Variants in CABCOCO1 observed in about 807,000 individuals in gnomAD.
The protein encoded by CABCOCO1 is ciliary associated calcium binding coiled-coil 1.
In CABCOCO1, 28 loss-of-function variants were observed where a neutral mutation model predicts 35.7. That is an observed-to-expected ratio of 0.78 (90% CI 0.58 to 1.07). The LOEUF (loss-of-function observed/expected upper bound fraction) is 1.07, where lower values mean the gene tolerates loss of function less well. Ranked by LOEUF, CABCOCO1 falls within the 50% of genes least tolerant of loss-of-function variation. CABCOCO1 has a pLI of 0.00. For missense variants in CABCOCO1, 326 were observed against 309.2 expected (o/e 1.05, Z -0.41); for synonymous variants, 95 against 100.1 (o/e 0.95, Z 0.30).
chr10:61,718,898 T>A (rs1046595564), intron 5 of CABCOCO1, among the ~76,000 whole-genome samples: 1 of 152,184 alleles, frequency 6.6e-6, no homozygotes, highest in Admixed American at 6.6e-5. Context: ...AATACGTACA[T>A]CTTCTAGGTG....
intron 2 of CABCOCO1, among the ~76,000 whole-genome samples, chr10:61,680,334 T>A (rs1374976093): frequency 4.5e-5 from 6 of 134,258 alleles, no homozygotes; most frequent in Admixed American, 1.7e-4. Context: ...ATATATATAT[T>A]TATATACATA....
At chr10:61,692,363 T>C (rs548666548) in intron 5 of CABCOCO1, among the ~76,000 whole-genome samples, 2 of 152,148 alleles carry the variant, frequency 1.3e-5, no homozygotes, top group Non-Finnish European at 2.9e-5. Flanking sequence ...CTTGTAAATT[T>C]GTTTAAGTTC....
chr10:61,667,177 T>C (rs1839211398), intron 1 of CABCOCO1, among the ~76,000 whole-genome samples: 1 of 145,866 alleles, frequency 6.9e-6, no homozygotes, highest in Admixed American at 7.0e-5. Flanking sequence ...ATAAACATTT[T>C]ACATATTATA....
intron 5 of CABCOCO1, among the ~76,000 whole-genome samples, chr10:61,691,271 A>C (rs905292715): frequency 1.3e-5 from 2 of 152,146 alleles, no homozygotes. Flanking sequence ...ATTTTCTTGA[A>C]GACAAGGATA....
chr10:61,685,978 A>G (rs1839945761), intron 3 of CABCOCO1, 63 bp from the exon 4 acceptor site: 2 of 1,435,252 alleles, frequency 1.4e-6, no homozygotes, highest in Admixed American at 2.6e-5. Context: ...AACATCTTGG[A>G]TTATCTTATT....
intron 2 of CABCOCO1, 69 bp from the exon 3 acceptor site, chr10:61,681,074 A>G: frequency 9.6e-7 from 1 of 1,040,026 alleles, no homozygotes. Flanking sequence ...ACCTGTTTTC[A>G]AAACTTAGGA....
intron 3 of CABCOCO1, among the ~76,000 whole-genome samples, chr10:61,683,414 A>T (rs1589119248): frequency 6.6e-6 from 1 of 152,066 alleles, no homozygotes; most frequent in East Asian, 1.9e-4. Context: ...TTGAAAAATT[A>T]ACTGGGTATG....
intron 5 of CABCOCO1, among the ~76,000 whole-genome samples, chr10:61,707,199 T>C (rs1321789189): frequency 6.6e-6 from 1 of 152,062 alleles, no homozygotes; most frequent in African/African-American, 2.4e-5. Context: ...GACCGAGCAT[T>C]GACTGTAAGA....
intron 5 of CABCOCO1, among the ~76,000 whole-genome samples, chr10:61,746,117 C>T (rs1435574616): frequency 1.3e-5 from 2 of 152,118 alleles, no homozygotes. Flanking sequence ...CAACCTTAGC[C>T]CTTCACTTTT....
intron 5 of CABCOCO1, among the ~76,000 whole-genome samples, chr10:61,715,156 T>C (rs896383425): frequency 1.3e-5 from 2 of 152,174 alleles, no homozygotes; most frequent in Non-Finnish European, 2.9e-5. Context: ...CAAGTCTCTT[T>C]GTAGGTCTCT....
chr10:61,680,387 T>A (rs1001777776), intron 2 of CABCOCO1, among the ~76,000 whole-genome samples: 6 of 132,060 alleles, frequency 4.5e-5, no homozygotes, highest in East Asian at 2.1e-4. Context: ...TAACATATAA[T>A]ATATATATTT....
intron 2 of CABCOCO1, 22 bp from the exon 3 acceptor site, chr10:61,681,121 G>T (rs908362479): frequency 1.5e-6 from 2 of 1,362,444 alleles, no homozygotes; most frequent in Non-Finnish European, 2.0e-6. Flanking sequence ...ATTAATATGT[G>T]GATTTTTGTT....
chr10:61,680,885 G>T (rs1839770699), intron 2 of CABCOCO1, among the ~76,000 whole-genome samples: 1 of 150,714 alleles, frequency 6.6e-6, no homozygotes, highest in Non-Finnish European at 1.5e-5. Context: ...GAAAGAAGGG[G>T]AAGGGGAGAG....
At chr10:61,746,006 G>A (rs1841651776) in intron 5 of CABCOCO1, among the ~76,000 whole-genome samples, 1 of 152,124 alleles carries the variant, frequency 6.6e-6, no homozygotes, top group African/African-American at 2.4e-5. Flanking sequence ...TACCATGTTT[G>A]TCATGTACTC....
chr10:61,696,487 G>A (rs984162706), intron 5 of CABCOCO1, among the ~76,000 whole-genome samples: 1 of 151,920 alleles, frequency 6.6e-6, no homozygotes, highest in South Asian at 2.1e-4. Context: ...ATTAACATAT[G>A]AAGGTCAATT....
At chr10:61,756,086 C>T (rs912294145) in intron 5 of CABCOCO1, among the ~76,000 whole-genome samples, 1 of 151,886 alleles carries the variant, frequency 6.6e-6, no homozygotes, top group African/African-American at 2.4e-5. Context: ...TTTTAAGATA[C>T]ATAACGTTTG....
chr10:61,677,669 C>T (rs559686522), intron 2 of CABCOCO1, among the ~76,000 whole-genome samples: 1 of 152,130 alleles, frequency 6.6e-6, no homozygotes, highest in African/African-American at 2.4e-5. Flanking sequence ...AACGTTAGGT[C>T]TACCTCCTAA....
At chr10:61,725,166 G>A (rs946517163) in intron 5 of CABCOCO1, among the ~76,000 whole-genome samples, 1 of 152,180 alleles carries the variant, frequency 6.6e-6, no homozygotes, top group African/African-American at 2.4e-5. Flanking sequence ...TGGTGGGACT[G>A]TAAACTAGTT....
intron 2 of CABCOCO1, among the ~76,000 whole-genome samples, chr10:61,678,142 T>C (rs1839580947): frequency 6.6e-6 from 1 of 152,156 alleles, no homozygotes; most frequent in Non-Finnish European, 1.5e-5. Flanking sequence ...TTTTGAAGAA[T>C]TTATACTTCC....
Sources: gnomAD v4.1 joint callset for allele counts (sites outside exome capture counted in the v4.1 genomes callset) on GRCh38, gnomAD v4.1.1 for gene constraint, MANE v1.5 for transcripts, NCBI Gene and HGNC (gene_info 2026-07-23, HGNC 2026-07-21) for gene names.